CA10: variants seen among roughly 807,000 people sequenced by gnomAD.
CA10 encodes the protein carbonic anhydrase-related protein 10.
In CA10, 14 loss-of-function variants were observed where a neutral mutation model predicts 44.2. The ratio of observed to expected loss-of-function variants is 0.32; its 90% CI spans 0.21 to 0.50. The LOEUF is 0.50. Ranked by LOEUF, CA10 falls within the 20% of genes least tolerant of loss-of-function variation. CA10 has a pLI of 0.99. For synonymous variants in CA10, 159 were observed against 141.6 expected (o/e 1.12, Z -0.87); for missense variants, 350 against 409.7 (o/e 0.85, Z 1.26).
intron 4 of CA10, among the ~76,000 whole-genome samples, chr17:51,740,707 C>T (rs922476193): frequency 1.3e-5 from 2 of 152,208 alleles, no homozygotes; most frequent in African/African-American, 2.4e-5. Context: ...CACATGTGCT[C>T]ATGCTGCTTC....
chr17:52,093,047 T>C (rs1232264974), intron 1 of CA10, among the ~76,000 whole-genome samples: 1 of 152,098 alleles, frequency 6.6e-6, no homozygotes, highest in Non-Finnish European at 1.5e-5. Context: ...AAAAAATTGG[T>C]TTTGTTTATA....
chr17:51,737,195 G>A (rs184449560), intron 4 of CA10, among the ~76,000 whole-genome samples: 2 of 152,286 alleles, frequency 1.3e-5, no homozygotes, highest in South Asian at 4.1e-4. Flanking sequence ...ACTGAAAGCA[G>A]GTTCTTTAAC....
intron 3 of CA10, among the ~76,000 whole-genome samples, chr17:51,833,803 C>T (rs1354400868): frequency 6.6e-6 from 1 of 152,170 alleles, no homozygotes; most frequent in Non-Finnish European, 1.5e-5. Context: ...TATGGTAACA[C>T]AGGGTAAAAT....
At chr17:51,879,056 A>G (rs1465447511) in intron 3 of CA10, among the ~76,000 whole-genome samples, 3 of 151,298 alleles carry the variant, frequency 2.0e-5, no homozygotes, top group Admixed American at 2.0e-4. Flanking sequence ...ATACTATATA[A>G]CTTTGTGACT....
intron 2 of CA10, among the ~76,000 whole-genome samples, chr17:52,023,367 G>A (rs1360267518): frequency 1.3e-5 from 2 of 152,040 alleles, no homozygotes; most frequent in Non-Finnish European, 1.5e-5. Context: ...TAAGCAATGA[G>A]GAAAGGACTT....
At chr17:52,025,821 A>G (rs1460943869) in intron 2 of CA10, among the ~76,000 whole-genome samples, 1 of 152,140 alleles carries the variant, frequency 6.6e-6, no homozygotes, top group African/African-American at 2.4e-5. Flanking sequence ...TTCAAGCTGT[A>G]GATAAAGACA....
rs139407274 is a variant in CA10, at chr17:51,922,473, T to A, written c.279+8517A>T. On this transcript the variant is annotated intron_variant, in intron 3 of 8. Coordinates refer to ENST00000451037, the MANE Select transcript of CA10 (RefSeq NM_020178.5). ...AAAGTGCTCCTCATTTTCTGGAAAC[T>A]TCAACTTGTCCTGGGCTTGATTCTC... Among the ~76,000 whole-genome samples, 53 of 152,314 alleles carry A rather than the reference T, an allele frequency of 3.5e-4. No individual in the cohort carries two copies. The East Asian group carries it at 9.9e-3, about 28-fold the overall frequency.
chr17:51,814,329 A>T (rs558942666), intron 3 of CA10, among the ~76,000 whole-genome samples: 1 of 152,318 alleles, frequency 6.6e-6, no homozygotes, highest in African/African-American at 2.4e-5. Context: ...TCGCTAAGGC[A>T]AATGTTACTA....
At chr17:52,001,562 G>T (rs997883423) in intron 2 of CA10, among the ~76,000 whole-genome samples, 3 of 151,832 alleles carry the variant, frequency 2.0e-5, no homozygotes, top group Admixed American at 2.0e-4. Context: ...AGTAACTATA[G>T]GGAAGTTTTT....
chr17:51,799,157 G>C (rs1906831493), intron 3 of CA10, among the ~76,000 whole-genome samples: 1 of 152,138 alleles, frequency 6.6e-6, no homozygotes, highest in African/African-American at 2.4e-5. Context: ...ATTCAATATG[G>C]TTCTTGGAAG....
intron 3 of CA10, among the ~76,000 whole-genome samples, chr17:51,904,159 C>T (rs1469433517): frequency 2.7e-5 from 4 of 149,954 alleles, no homozygotes; most frequent in Admixed American, 2.0e-4. Flanking sequence ...AAGCCCCAGG[C>T]AATCTGAGAT....
intron 3 of CA10, among the ~76,000 whole-genome samples, chr17:51,920,339 G>A (rs1413126417): frequency 6.6e-6 from 1 of 152,052 alleles, no homozygotes; most frequent in African/African-American, 2.4e-5. Context: ...AAGAAGGACA[G>A]GGAAAGAGAC....
intron 4 of CA10, among the ~76,000 whole-genome samples, chr17:51,660,187 G>T (rs4794290): frequency 2.0e-5 from 3 of 152,170 alleles, no homozygotes; most frequent in East Asian, 3.8e-4. Context: ...GGTGATATGA[G>T]GAGAAATTGT....
intron 1 of CA10, among the ~76,000 whole-genome samples, chr17:52,148,218 A>G (rs1555570449): frequency 5.9e-5 from 9 of 152,228 alleles, no homozygotes; most frequent in Admixed American, 4.6e-4. Flanking sequence ...CAACACACTA[A>G]CAAGGGAACA....
chr17:51,913,200 C>T (rs1472312742), intron 3 of CA10, among the ~76,000 whole-genome samples: 1 of 152,126 alleles, frequency 6.6e-6, no homozygotes, highest in Non-Finnish European at 1.5e-5. Context: ...GCCTCTAAGA[C>T]ATTTACATAA....
rs1360315496 is a variant in CA10 at position 51,957,677 on chromosome 17, AAAT to A, written c.137-26548_137-26546del. On this transcript the variant is annotated intron_variant, in intron 2 of 8. Transcript: ENST00000451037. ...CACTGCCCAAACCATGAAGTAAGAA[AAAT>A]AATACAACTTAGTTCAAGAGAATAA... Among the ~76,000 whole-genome samples, 3 of 152,260 alleles carry A rather than the reference AAAT, an allele frequency of 2.0e-5. No homozygotes were observed. The East Asian group carries it at 5.8e-4, about 29-fold the overall frequency.
At chr17:51,904,410 C>T (rs1242342117) in intron 3 of CA10, among the ~76,000 whole-genome samples, 2 of 152,032 alleles carry the variant, frequency 1.3e-5, no homozygotes, top group Non-Finnish European at 2.9e-5. Flanking sequence ...AGCTCCTTGC[C>T]TCTTAATGGT....
intron 2 of CA10, among the ~76,000 whole-genome samples, chr17:51,949,447 A>G (rs1983403499): frequency 1.3e-5 from 2 of 152,186 alleles, no homozygotes; most frequent in African/African-American, 4.8e-5. Flanking sequence ...ATCAAGCCAT[A>G]AGTACCTGTC....
chr17:52,016,721 T>C (rs1985979804), intron 2 of CA10, among the ~76,000 whole-genome samples: 2 of 152,084 alleles, frequency 1.3e-5, no homozygotes, highest in Admixed American at 1.3e-4. Flanking sequence ...AAGACTAGCC[T>C]GGCTAACATA....
Sources: allele counts gnomAD v4.1 joint callset (sites outside exome capture counted in the v4.1 genomes callset), GRCh38; gene constraint gnomAD v4.1.1; transcripts MANE v1.5; gene names NCBI Gene and HGNC (gene_info 2026-07-23, HGNC 2026-07-21).